ATP2B2: variants seen among roughly 807,000 people sequenced by gnomAD.
The protein encoded by ATP2B2 is ATPase plasma membrane Ca2+ transporting 2.
A neutral mutation model predicts 120.0 loss-of-function variants in ATP2B2; 15 were observed. The observed-to-expected ratio is 0.12, with a 90% confidence interval of 0.08 to 0.19. The LOEUF (loss-of-function observed/expected upper bound fraction) is 0.19, where lower values mean the gene tolerates loss of function less well. Among genes scored for constraint, ATP2B2 ranks in the 10% least tolerant of loss-of-function variants. The pLI, the probability that ATP2B2 is intolerant of heterozygous loss-of-function variation, is 1.00. For missense variants in ATP2B2, 1,045 were observed against 1,719.8 expected, an observed-to-expected ratio of 0.61 and a Z score of 6.94; for synonymous variants, 694 against 700.3, an observed-to-expected ratio of 0.99 and a Z score of 0.14.
intron 2 of ATP2B2, among the ~76,000 whole-genome samples, chr3:10,431,673 C>A (rs1375177789): frequency 6.6e-6 from 1 of 152,012 alleles, no homozygotes; most frequent in Non-Finnish European, 1.5e-5. Context: ...TGATCACTAC[C>A]CTTTTATCTC....
At chr3:10,686,380 C>T (rs1275990957) in intron 1 of ATP2B2, among the ~76,000 whole-genome samples, 4 of 152,110 alleles carry the variant, frequency 2.6e-5, no homozygotes, top group Non-Finnish European at 2.9e-5. Context: ...ATTGGCTGGG[C>T]GTGGTGGCTC....
At chr3:10,697,964 T>C (rs1420431813) in intron 1 of ATP2B2, among the ~76,000 whole-genome samples, 3 of 152,198 alleles carry the variant, frequency 2.0e-5, no homozygotes, top group Non-Finnish European at 4.4e-5. Context: ...CCTGCCTAGA[T>C]GGGAGGCAGG....
chr3:10,688,355 G>T (rs974596647), intron 1 of ATP2B2, among the ~76,000 whole-genome samples: 2 of 152,228 alleles, frequency 1.3e-5, no homozygotes, highest in Admixed American at 1.3e-4. Context: ...TCAATTTCAA[G>T]GGGAGACACT....
At chr3:10,443,809 G>T (rs568495609) in intron 2 of ATP2B2, among the ~76,000 whole-genome samples, 1 of 152,280 alleles carries the variant, frequency 6.6e-6, no homozygotes, top group African/African-American at 2.4e-5. Context: ...CAAATACTGG[G>T]CCTAGATTCT....
rs116087319 is a variant in ATP2B2, at chr3:10,635,212, A to G, written c.-459-15251T>C. On this transcript the variant is annotated intron_variant, in intron 1 of 21. Transcript: ENST00000646379. The surrounding 1 kb of genome is among the most constrained non-coding windows in gnomAD (Gnocchi z 4.3). ...TTCAAGAGAAGTTGGAAATCCAGGT[A>G]CTTCCATGGCATCTCTCAATTTGGG... Among the ~76,000 whole-genome samples the G allele has an allele frequency of 1.6e-3, 244 of 152,254 alleles. 1 individual carries two copies. Among genetic ancestry groups the G allele is most frequent in the African/African-American group, 5.6e-3 (232 of 41,546 alleles).
chr3:10,689,840 A>T (rs570441296), intron 1 of ATP2B2, among the ~76,000 whole-genome samples: 75 of 152,178 alleles, frequency 4.9e-4, no homozygotes, highest in African/African-American at 1.7e-3. Context: ...ATTGCTGCGC[A>T]CCCTCCACCC....
At chr3:10,575,096 G>C (rs1323621609) in intron 2 of ATP2B2, among the ~76,000 whole-genome samples, 2 of 152,170 alleles carry the variant, frequency 1.3e-5, no homozygotes, top group East Asian at 3.9e-4. Context: ...CTCAGTGCCT[G>C]GGGTCACAAT....
chr3:10,699,961 A>G (rs935387509), intron 1 of ATP2B2, among the ~76,000 whole-genome samples: 3 of 152,102 alleles, frequency 2.0e-5, no homozygotes, highest in Non-Finnish European at 4.4e-5. Flanking sequence ...CTTATAAATA[A>G]CCCGGTTTCA....
intron 1 of ATP2B2, among the ~76,000 whole-genome samples, chr3:10,706,289 A>G (rs1304034469): frequency 1.3e-5 from 2 of 152,188 alleles, no homozygotes; most frequent in Non-Finnish European, 2.9e-5. Context: ...AGAGGTGTGG[A>G]GAAGAGTGGT....
At chr3:10,655,830 A>G (rs899115663) in intron 1 of ATP2B2, among the ~76,000 whole-genome samples, 3 of 152,198 alleles carry the variant, frequency 2.0e-5, no homozygotes, top group Non-Finnish European at 4.4e-5. Context: ...CCCTCATAAT[A>G]AACTGTGGAA....
intron 2 of ATP2B2, among the ~76,000 whole-genome samples, chr3:10,539,915 A>G (rs553473485): frequency 2.0e-5 from 3 of 152,334 alleles, no homozygotes; most frequent in East Asian, 1.9e-4. Flanking sequence ...AGAAACTACC[A>G]TCAGAGTGAA....
chr3:10,503,707 G>T (rs540831361), intron 1 of ATP2B2, among the ~76,000 whole-genome samples: 1 of 152,376 alleles, frequency 6.6e-6, no homozygotes, highest in East Asian at 1.9e-4. Flanking sequence ...CCATGTGCCT[G>T]CCAATGCACG....
At chr3:10,573,595 C>T (rs867903610) in intron 2 of ATP2B2, among the ~76,000 whole-genome samples, 12 of 152,182 alleles carry the variant, frequency 7.9e-5, no homozygotes, top group African/African-American at 2.7e-4. Flanking sequence ...TGATCCCAGG[C>T]CTGGGACTCT....
chr3:10,602,255 C>T (rs1474213217), intron 2 of ATP2B2, among the ~76,000 whole-genome samples: 1 of 152,190 alleles, frequency 6.6e-6, no homozygotes, highest in Admixed American at 6.5e-5. Context: ...CACTCTTCAC[C>T]CCCTTTTTTC....
At chr3:10,622,119 A>AGGGGCCTAG (rs2069568643) in intron 1 of ATP2B2, among the ~76,000 whole-genome samples, 1 of 152,014 alleles carries the variant, frequency 6.6e-6, no homozygotes, top group Non-Finnish European at 1.5e-5. Context: ...GCCGTGCTCC[A>AGGGGCCTAG]GGGGCCCCCC....
At chr3:10,553,767 C>T (rs1203067024) in intron 2 of ATP2B2, among the ~76,000 whole-genome samples, 1 of 152,056 alleles carries the variant, frequency 6.6e-6, no homozygotes, top group Non-Finnish European at 1.5e-5. Context: ...TGGGTGTTAT[C>T]GAGATAATCC....
chr3:10,416,463 T>TA (rs2062784823), intron 2 of ATP2B2, among the ~76,000 whole-genome samples: 3 of 152,150 alleles, frequency 2.0e-5, no homozygotes, highest in Non-Finnish European at 2.9e-5. Flanking sequence ...CCCGGTGTTT[T>TA]TAAAAAAATG....
chr3:10,675,864 A>G (rs2071227711), intron 1 of ATP2B2, among the ~76,000 whole-genome samples: 1 of 151,872 alleles, frequency 6.6e-6, no homozygotes, highest in Non-Finnish European at 1.5e-5. Context: ...TTTCTTCACA[A>G]TCTCCTATTC....
chr3:10,691,879 C>G (rs1030740642), intron 1 of ATP2B2, among the ~76,000 whole-genome samples: 4 of 152,152 alleles, frequency 2.6e-5, no homozygotes, highest in African/African-American at 9.7e-5. Context: ...AGTCTCATAT[C>G]CAAGGAATGA....
Sources: gnomAD v4.1 joint callset for allele counts (sites outside exome capture counted in the v4.1 genomes callset) on GRCh38, gnomAD v4.1.1 for gene constraint, Gnocchi (gnomAD v3.1) non-coding constraint, MANE v1.5 for transcripts, NCBI Gene and HGNC (gene_info 2026-07-23, HGNC 2026-07-21) for gene names.